FBXL17: variants seen among roughly 807,000 people sequenced by gnomAD.
FBXL17 encodes F-box and leucine rich repeat protein 17.
Under a neutral mutation model 66.2 loss-of-function variants are expected in FBXL17, and 22 were observed. The ratio of observed to expected loss-of-function variants is 0.33; its 90% CI spans 0.24 to 0.47. The LOEUF (loss-of-function observed/expected upper bound fraction) is 0.47. FBXL17 is among the 20% of genes least tolerant of loss of function. The pLI is 1.00. For synonymous variants in FBXL17, 474 were observed against 400.5 expected (o/e 1.18, Z -2.19); for missense variants, 878 against 948.2 (o/e 0.93, Z 0.97).
intron 6 of FBXL17, among the ~76,000 whole-genome samples, chr5:108,097,093 G>C (rs114696152): frequency 0.02 from 3,093 of 152,268 alleles, 50 homozygotes; most frequent in Middle Eastern, 0.031. Context: ...GGATCATGGG[G>C]GCAGTTTCTC....
chr5:107,907,761 G>C (rs1749813325), intron 7 of FBXL17, among the ~76,000 whole-genome samples: 1 of 152,178 alleles, frequency 6.6e-6, no homozygotes, highest in Non-Finnish European at 1.5e-5. Flanking sequence ...TCTCACACCA[G>C]TTAGAATGGC....
In FBXL17 at chr5:107,875,182, G is replaced by C. The variant is rs113463177; in HGVS notation, c.1965+5855C>G. 9.0e-4 allele frequency among the ~76,000 whole-genome samples: 137 copies of C among 151,578 alleles called. 2 individuals are homozygous for C. Among genetic ancestry groups the C allele is most frequent in the African/African-American group, 3.0e-3 (124 of 41,268 alleles). On this transcript the variant is annotated intron_variant, in intron 8 of 8. Transcript: ENST00000542267. ...TTACATTTTGGCTATGGGCAACCTGGAAACAGCTGTGCAGACAAGGCAGGG... is the reference window on the plus strand; with the variant it reads ...TTACATTTTGGCTATGGGCAACCTGCAAACAGCTGTGCAGACAAGGCAGGG...
At chr5:108,287,215 A>G (rs1198136733) in intron 4 of FBXL17, among the ~76,000 whole-genome samples, 2 of 152,094 alleles carry the variant, frequency 1.3e-5, no homozygotes, top group Non-Finnish European at 2.9e-5. Context: ...GGACCTGGCA[A>G]AGATTTCATG....
intron 6 of FBXL17, among the ~76,000 whole-genome samples, chr5:108,177,218 A>G (rs960854204): frequency 1.3e-5 from 2 of 152,238 alleles, no homozygotes; most frequent in African/African-American, 4.8e-5. Context: ...ACTATGAGTC[A>G]TGTGTAGTAC....
At chr5:108,165,548 A>G (rs952151237) in intron 6 of FBXL17, among the ~76,000 whole-genome samples, 16 of 152,218 alleles carry the variant, frequency 1.1e-4, no homozygotes, top group African/African-American at 3.9e-4. Context: ...AAGAAAGGCA[A>G]GGGAGTAGCT....
chr5:108,291,678 T>C (rs987148033), intron 4 of FBXL17, among the ~76,000 whole-genome samples: 1 of 152,216 alleles, frequency 6.6e-6, no homozygotes, highest in East Asian at 1.9e-4. Flanking sequence ...AACTGCGTAC[T>C]AGACATTCCT....
chr5:107,911,824 T>A (rs1388082714), intron 7 of FBXL17, among the ~76,000 whole-genome samples: 2 of 152,112 alleles, frequency 1.3e-5, no homozygotes, highest in African/African-American at 4.8e-5. Context: ...ATATATATTT[T>A]TAAATTTTAC....
intron 7 of FBXL17, among the ~76,000 whole-genome samples, chr5:107,905,246 C>G (rs1774411546): frequency 6.6e-6 from 1 of 151,680 alleles, no homozygotes; most frequent in South Asian, 2.1e-4. Flanking sequence ...CAGTTTGTAA[C>G]TAATCATTAA....
At chr5:108,378,519 G>A (rs543482930) in intron 1 of FBXL17, among the ~76,000 whole-genome samples, 2 of 152,046 alleles carry the variant, frequency 1.3e-5, no homozygotes, top group East Asian at 3.9e-4. Context: ...TCTAATATTA[G>A]AAAAGAAAAA....
chr5:107,946,638 ATCT>A (rs1229561338), intron 7 of FBXL17, among the ~76,000 whole-genome samples: 1 of 151,906 alleles, frequency 6.6e-6, no homozygotes, highest in Non-Finnish European at 1.5e-5. Context: ...ACAATCTTGT[ATCT>A]TGAAATCTTT....
chr5:108,312,449 A>C (rs998014643), intron 4 of FBXL17, among the ~76,000 whole-genome samples: 5 of 152,160 alleles, frequency 3.3e-5, no homozygotes, highest in African/African-American at 4.8e-5. Flanking sequence ...AGGCAGCCCC[A>C]ATAGTAGGGA....
At chr5:108,081,604 T>C (rs1386320113) in intron 6 of FBXL17, among the ~76,000 whole-genome samples, 1 of 151,926 alleles carries the variant, frequency 6.6e-6, no homozygotes, top group Non-Finnish European at 1.5e-5. Context: ...GCGTCTGTAG[T>C]CCCAGCTACT....
intron 7 of FBXL17, among the ~76,000 whole-genome samples, chr5:107,950,015 C>A (rs892050815): frequency 6.6e-6 from 1 of 152,136 alleles, no homozygotes; most frequent in East Asian, 1.9e-4. Context: ...TGACTGCTGT[C>A]CCATATGCCT....
chr5:108,114,847 G>C (rs1332289852), intron 6 of FBXL17, among the ~76,000 whole-genome samples: 1 of 152,148 alleles, frequency 6.6e-6, no homozygotes, highest in Non-Finnish European at 1.5e-5. Flanking sequence ...TTGCTCTCAA[G>C]CTGCTGGATA....
At chr5:108,117,893 G>T (rs1193304357) in intron 6 of FBXL17, among the ~76,000 whole-genome samples, 1 of 152,164 alleles carries the variant, frequency 6.6e-6, no homozygotes, top group African/African-American at 2.4e-5. Flanking sequence ...AGAAAGCACA[G>T]TTTGGGAAGC....
At chr5:107,907,798 A>G (rs1188133532) in intron 7 of FBXL17, among the ~76,000 whole-genome samples, 17 of 152,088 alleles carry the variant, frequency 1.1e-4, no homozygotes, top group Non-Finnish European at 1.5e-4. Flanking sequence ...GGAAACAACA[A>G]GTGCTGGAGA....
intron 6 of FBXL17, among the ~76,000 whole-genome samples, chr5:108,148,286 A>C (rs1303204993): frequency 6.6e-6 from 1 of 152,224 alleles, no homozygotes; most frequent in Admixed American, 6.5e-5. Context: ...ACTGCTAAAC[A>C]AAGAAAAAAA....
At chr5:108,122,379 C>T (rs942416962) in intron 6 of FBXL17, among the ~76,000 whole-genome samples, 2 of 152,100 alleles carry the variant, frequency 1.3e-5, no homozygotes, top group Admixed American at 6.5e-5. Flanking sequence ...AACCACAGTA[C>T]TATACTTCAT....
chr5:108,178,578 A>T (rs1348922201), intron 6 of FBXL17, among the ~76,000 whole-genome samples: 1 of 152,210 alleles, frequency 6.6e-6, no homozygotes, highest in Non-Finnish European at 1.5e-5. Context: ...GCAAAAATAC[A>T]AATAATGTCA....
Sources: gnomAD v4.1 joint callset for allele counts (sites outside exome capture counted in the v4.1 genomes callset) on GRCh38, gnomAD v4.1.1 for gene constraint, MANE v1.5 for transcripts, NCBI Gene and HGNC (gene_info 2026-07-23, HGNC 2026-07-21) for gene names.